The following DOCK9 variants were observed in gnomAD, a reference collection of about 807,000 sequenced individuals.
DOCK9 encodes the protein dedicator of cytokinesis protein 9.
DOCK9 carries 89 observed loss-of-function variants against 263.3 expected under a neutral mutation model. The observed-to-expected ratio is 0.34, with a 90% CI of 0.28 to 0.40. DOCK9 has a LOEUF of 0.40. Ranked by LOEUF, DOCK9 falls within the 10% of genes least tolerant of loss-of-function variation. The pLI, the probability that DOCK9 is intolerant of heterozygous loss-of-function variation, is 1.00. For synonymous variants in DOCK9, 976 were observed against 973.1 expected (o/e 1.00, Z -0.06); for missense variants, 2,140 against 2,603.4 (o/e 0.82, Z 3.87).
At chr13:98,932,836 A>G (rs2054182760) in intron 2 of DOCK9, among the ~76,000 whole-genome samples, 1 of 152,200 alleles carries the variant, frequency 6.6e-6, no homozygotes, top group Non-Finnish European at 1.5e-5. Flanking sequence ...CAGGTAAATT[A>G]TTTATTCCTT....
In DOCK9 at chr13:98,901,760, C is replaced by T. The variant is rs757114489; in HGVS notation, c.1503+18G>A. The T allele has an allele frequency of 3.1e-6, 5 of 1,610,546 alleles. No individual in the cohort carries two copies. Among genetic ancestry groups the T allele is most frequent in the African/African-American group, 1.3e-5 (1 of 74,844 alleles). ...CAGATTGCTTTTTACCACCCCAAAG[C>T]GTAAAAGCCATTCATACCTTAGAAG... is the stretch of plus-strand genomic sequence containing the variant. On this transcript the variant is annotated intron_variant, in intron 13 of 52. Coordinates refer to ENST00000682017, the MANE Select transcript of DOCK9 (RefSeq NM_001366683.2).
At chr13:99,038,846 C>T (rs1393735781) in intron 1 of DOCK9, among the ~76,000 whole-genome samples, 1 of 152,146 alleles carries the variant, frequency 6.6e-6, no homozygotes, top group African/African-American at 2.4e-5. Context: ...AACCAAAGTC[C>T]TCCTAATTCC....
chr13:98,868,979 C>G (rs2094120593), intron 27 of DOCK9, among the ~76,000 whole-genome samples: 1 of 152,174 alleles, frequency 6.6e-6, no homozygotes, highest in Non-Finnish European at 1.5e-5. Flanking sequence ...GATTCAGGAG[C>G]CTGGCAGCGG....
intron 49 of DOCK9, among the ~76,000 whole-genome samples, chr13:98,804,099 C>A (rs546686548): frequency 3.0e-4 from 45 of 152,326 alleles, no homozygotes; most frequent in African/African-American, 1.0e-3. Flanking sequence ...TGTATTATTA[C>A]CCAGACAGAA....
At chr13:98,975,508 CAA>C (rs1491038316) in intron 1 of DOCK9, among the ~76,000 whole-genome samples, 120 of 148,348 alleles carry the variant, frequency 8.1e-4, no homozygotes, top group African/African-American at 2.8e-3. Context: ...CACACACACA[CAA>C]GTTATACTGT....
chr13:99,005,008 C>T (rs1883069754), intron 1 of DOCK9, among the ~76,000 whole-genome samples: 2 of 151,976 alleles, frequency 1.3e-5, no homozygotes, highest in South Asian at 4.1e-4. Context: ...TGTTTGGAAA[C>T]TCTGCTAGCA....
chr13:99,050,264 T>G (rs1331164797), intron 1 of DOCK9, among the ~76,000 whole-genome samples: 2 of 152,202 alleles, frequency 1.3e-5, no homozygotes, highest in South Asian at 4.1e-4. Context: ...CATTCCATAT[T>G]TCAGGCCTGT....
chr13:98,951,115 G>A (rs2057361030), intron 2 of DOCK9, among the ~76,000 whole-genome samples: 1 of 152,096 alleles, frequency 6.6e-6, no homozygotes, highest in South Asian at 2.1e-4. Context: ...TTTGCTCATG[G>A]AAAAAGTAAG....
chr13:99,024,629 T>C (rs942368749), intron 1 of DOCK9, among the ~76,000 whole-genome samples: 1 of 152,204 alleles, frequency 6.6e-6, no homozygotes, highest in Non-Finnish European at 1.5e-5. Flanking sequence ...TGTGGCAGTA[T>C]AGAAATGCTG....
intron 9 of DOCK9, among the ~76,000 whole-genome samples, chr13:98,907,124 A>G (rs1316429516): frequency 6.6e-6 from 1 of 152,206 alleles, no homozygotes; most frequent in Non-Finnish European, 1.5e-5. Context: ...TCACACCAAA[A>G]GAGTGAGAAC....
chr13:98,805,680 C>T (rs2140117464), intron 48 of DOCK9, among the ~76,000 whole-genome samples: 1 of 152,346 alleles, frequency 6.6e-6, no homozygotes, highest in Middle Eastern at 3.4e-3. Flanking sequence ...TCAACAATCA[C>T]ACTTTACATT....
Position 98,829,392 on chromosome 13 carries a change from T to A in DOCK9, c.4880A>T (p.Lys1627Ile). The stretch of plus-strand genomic sequence containing the variant: ...GAGCTCGGGCGTGCTGGCATAGGAT[T>A]TGGCCAGGCTGTACTGGAGGTCCAC... ...MLVDLQYSLA[K>I]SYASTPELRK... is the part of the protein sequence containing the mutation. The change falls in exon 43 of 53, where the codon AAA becomes ATA. Residue 1627 changes from lysine to isoleucine, a missense_variant. By Grantham distance (102) the Lys-to-Ile change is moderately radical (BLOSUM62 -3). Coordinates refer to ENST00000682017, the MANE Select transcript of DOCK9 (RefSeq NM_001366683.2). This position sits in a 1 kb window ranked among gnomAD's most constrained non-coding sequence, Gnocchi z 4.1. 2 of 1,613,854 alleles carry A rather than the reference T, an allele frequency of 1.2e-6. No homozygotes were observed. The highest frequency in any genetic ancestry group is 1.7e-6 in the Non-Finnish European group (2 of 1,179,886).
intron 30 of DOCK9, chr13:98,867,045 C>A: frequency 2.4e-6 from 1 of 425,164 alleles, no homozygotes; most frequent in South Asian, 1.8e-5. Flanking sequence ...AGAAAGCAAG[C>A]GTCATACCCC....
intron 1 of DOCK9, among the ~76,000 whole-genome samples, chr13:99,082,189 C>T (rs1295468302): frequency 6.6e-6 from 1 of 152,078 alleles, no homozygotes; most frequent in African/African-American, 2.4e-5. Context: ...CACTACACTC[C>T]AGCCTGGGTG....
At chr13:98,853,783 G>A (rs2093634016) in intron 34 of DOCK9, among the ~76,000 whole-genome samples, 1 of 152,078 alleles carries the variant, frequency 6.6e-6, no homozygotes, top group South Asian at 2.1e-4. Flanking sequence ...TTTCTCACTG[G>A]ATAAACACAG....
At chr13:99,085,115 T>C (rs567858901) in intron 1 of DOCK9, among the ~76,000 whole-genome samples, 14 of 152,326 alleles carry the variant, frequency 9.2e-5, no homozygotes, top group Admixed American at 6.5e-4. Context: ...ACAAACGTCA[T>C]TCACGCAATT....
intron 3 of DOCK9, among the ~76,000 whole-genome samples, chr13:98,929,684 T>C (rs1325942768): frequency 6.6e-6 from 1 of 151,628 alleles, no homozygotes; most frequent in Non-Finnish European, 1.5e-5. Context: ...TATATAATAA[T>C]ATATATTGAC....
chr13:98,955,364 A>G (rs2057931097), intron 2 of DOCK9, 71 bp downstream of exon 2: 2 of 996,014 alleles, frequency 2.0e-6, no homozygotes, highest in African/African-American at 3.3e-5. Context: ...ACAATAAATC[A>G]ATACATAGAA....
intron 1 of DOCK9, among the ~76,000 whole-genome samples, chr13:99,062,873 T>C (rs923383011): frequency 5.3e-5 from 8 of 152,178 alleles, no homozygotes; most frequent in Admixed American, 3.3e-4. Flanking sequence ...CCTGTCTCTT[T>C]GGCAGAAAAG....
Sources: gnomAD v4.1 joint callset for allele counts (sites outside exome capture counted in the v4.1 genomes callset) on GRCh38, gnomAD v4.1.1 for gene constraint, Gnocchi (gnomAD v3.1) non-coding constraint, MANE v1.5 for transcripts, NCBI Gene and HGNC (gene_info 2026-07-23, HGNC 2026-07-21) for gene names.